Variants in AGGF1 observed in about 807,000 individuals in gnomAD.
AGGF1 encodes angiogenic factor with G-patch and FHA domains 1.
A neutral mutation model predicts 86.5 loss-of-function variants in AGGF1; 56 were observed. That is an observed-to-expected ratio of 0.65 (90% CI 0.52 to 0.81). The LOEUF (loss-of-function observed/expected upper bound fraction) is 0.81. AGGF1 is among the 30% of genes least tolerant of loss of function. AGGF1 has a pLI of 0.00. For missense variants in AGGF1, 816 were observed against 850.9 expected, an observed-to-expected ratio of 0.96 and a Z score of 0.51; for synonymous variants, 313 against 297.1, an observed-to-expected ratio of 1.05 and a Z score of -0.55.
In AGGF1 at chr5:77,035,924, A is replaced by T. The variant is rs1225348978; in HGVS notation, c.516+181A>T. The T allele has an allele frequency of 9.7e-6, 6 of 618,404 alleles. No homozygotes were observed. In the East Asian group the frequency reaches 1.8e-4, roughly 18 times the overall value. 38.3% of individuals were successfully genotyped at this position (618,404 alleles called of 1,614,324 possible). ...CCAAAACCAGAATTAGAACTTCTTCATATATGTAGTGGTTTTCCTACTACA... is the reference window on the plus strand; with the variant it reads ...CCAAAACCAGAATTAGAACTTCTTCTTATATGTAGTGGTTTTCCTACTACA... On this transcript the variant is annotated intron_variant, in intron 3 of 13. Transcript: ENST00000312916.
In AGGF1 at chr5:77,056,384, A is replaced by AC. The variant is rs1209155200; in HGVS notation, c.1716+789dup. Among the ~76,000 whole-genome samples, 243 of 151,910 alleles carry AC rather than the reference A, an allele frequency of 1.6e-3. 1 individual carries two copies. The highest frequency in any genetic ancestry group is 5.1e-3 in the African/African-American group (212 of 41,444). ...GCTGTGATTGCAGGGGCCCGCCACCACGCCCCGCTAATTTTTGTATTTTTA... is the reference window on the plus strand; with the variant it reads ...GCTGTGATTGCAGGGGCCCGCCACCACCGCCCCGCTAATTTTTGTATTTTTA... On this transcript the variant is annotated intron_variant, in intron 11 of 13. Coordinates refer to ENST00000312916, the MANE Select transcript of AGGF1 (RefSeq NM_018046.5).
rs1742755677 is a variant in AGGF1 at position 77,064,595 on chromosome 5, G to A, written c.*1343G>A. On this transcript the variant is annotated 3_prime_UTR_variant, in exon 14 of 14. Coordinates refer to ENST00000312916, the MANE Select transcript of AGGF1 (RefSeq NM_018046.5). ...CTATGGGCTTAAGCTAGGACAATCA[G>A]GCCCTAAACTCCAAATTTGGATAAA... 1 of 152,192 alleles carries A rather than the reference G, an allele frequency of 6.6e-6. No homozygotes were observed. Among genetic ancestry groups the A allele is most frequent in the South Asian group, 2.1e-4 (1 of 4,822 alleles). 9.4% of individuals were successfully genotyped at this position (152,192 alleles called of 1,614,324 possible).
chr5:77,041,105 G>T (rs1747069381), intron 5 of AGGF1, among the ~76,000 whole-genome samples: 1 of 112,140 alleles, frequency 8.9e-6, no homozygotes, highest in South Asian at 2.5e-4. Context: ...GATTCTGTTA[G>T]ATTTTTTCTG....
In AGGF1 at chr5:77,061,638, A is replaced by G. The variant is rs544610626; in HGVS notation, c.1845-65A>G. 39 of 1,482,558 alleles carry G rather than the reference A, an allele frequency of 2.6e-5. No individual in the cohort carries two copies. The African/African-American group carries it at 5.1e-4, about 20-fold the overall frequency. The allele number at this position is 1,482,558 out of a possible 1,614,324, so 91.8% of individuals were successfully genotyped here. ...TGTACCAATTACTTTTAATTCATGA[A>G]TTTATTATAAATGTGACCTAAAAGA... On this transcript the variant is annotated intron_variant, in intron 12 of 13. Coordinates refer to ENST00000312916, the MANE Select transcript of AGGF1 (RefSeq NM_018046.5).
In AGGF1 at chr5:77,053,967, GA is replaced by G; in HGVS notation, c.1474del (p.Thr492LeufsTer58). 1.9e-6 allele frequency: 3 copies of G among 1,613,940 alleles called. No homozygotes were observed. The highest frequency in any genetic ancestry group is 8.5e-7 in the Non-Finnish European group (1 of 1,179,992). On this transcript the variant is annotated frameshift_variant, in exon 10 of 14. Transcript: ENST00000312916. LOFTEE classifies it high-confidence loss of function. ...TTTGTAAAATGTTTCCCCTCTAGCC[GA>G]AAACTAAATGTGACCCTTACGTACT... Reference protein sequence around the residue: ...IVNGKQILQPKTKCDPYVLEH... With the variant: ...IVNGKQILQPXTKCDPYVLEH...
chr5:77,048,886 T>A (rs1273477916), intron 7 of AGGF1, 50 bp from the exon 8 acceptor site: 2 of 1,547,516 alleles, frequency 1.3e-6, no homozygotes, highest in South Asian at 2.2e-5. Context: ...CATGTCACTT[T>A]ATATAATATG....
intron 3 of AGGF1, chr5:77,036,203 T>G (rs1746964627): frequency 7.3e-6 from 2 of 275,504 alleles, no homozygotes; most frequent in Non-Finnish European, 1.4e-5. Context: ...TTCATTTGTC[T>G]TTTTGAAATT....
chr5:77,031,209 C>T (rs550859907), intron 1 of AGGF1, among the ~76,000 whole-genome samples: 1 of 152,346 alleles, frequency 6.6e-6, no homozygotes, highest in South Asian at 2.1e-4. Context: ...AACTTAAGTA[C>T]TGTGGCTACA....
intron 3 of AGGF1, chr5:77,035,985 A>G (rs904112650): frequency 1.6e-5 from 7 of 430,506 alleles, no homozygotes; most frequent in Non-Finnish European, 2.5e-5. Flanking sequence ...CATAAACTAA[A>G]ACAAAATTTG....
At chr5:77,037,087 G>T (rs1255186503) in intron 4 of AGGF1, among the ~76,000 whole-genome samples, 4 of 152,154 alleles carry the variant, frequency 2.6e-5, no homozygotes, top group African/African-American at 9.7e-5. Flanking sequence ...AAAACTATTT[G>T]ACAGAAGAAT....
Position 77,039,701 on chromosome 5 carries a change from T to A in AGGF1, c.852T>A (p.Ser284=). 1 of 1,611,872 alleles carries A rather than the reference T, an allele frequency of 6.2e-7. No individual in the cohort carries two copies. The highest frequency in any genetic ancestry group is 8.5e-7 in the Non-Finnish European group (1 of 1,178,872). Residue 284 remains serine (S), a synonymous_variant, in exon 5 of 14, where the codon TCT becomes TCA. Coordinates refer to ENST00000312916, the MANE Select transcript of AGGF1 (RefSeq NM_018046.5). ...LKKKRKDPDS[S]ATNEEKDLNS... is the part of the protein sequence containing the mutation. ...AGAAAAGAAAAGATCCAGATTCTTC[T>A]GCAACAAATGAGGAAAAGGTAATGT...
At chr5:77,042,335 C>CAG (rs1747108836) in intron 5 of AGGF1, among the ~76,000 whole-genome samples, 1 of 144,946 alleles carries the variant, frequency 6.9e-6, no homozygotes, top group Non-Finnish European at 1.5e-5. Context: ...GCACACCTCC[C>CAG]AGACGGGGTG....
chr5:77,033,174 A>G (rs1309997282), intron 1 of AGGF1, among the ~76,000 whole-genome samples: 1 of 152,184 alleles, frequency 6.6e-6, no homozygotes, highest in East Asian at 1.9e-4. Flanking sequence ...GGTGGATTCG[A>G]TTAACTGTCA....
In AGGF1 at chr5:77,063,274, C is replaced by T. The variant is rs1162520389; in HGVS notation, c.*22C>T. 7.2e-6 allele frequency: 10 copies of T among 1,381,098 alleles called. No individual in the cohort carries two copies. The highest frequency in any genetic ancestry group is 1.0e-5 in the Non-Finnish European group (10 of 971,264). The allele number at this position is 1,381,098 out of a possible 1,614,324, so 85.6% of individuals were successfully genotyped here. A position where few individuals can be genotyped will look rare whatever the true frequency, so the allele number is the denominator to read the frequency against. Reference sequence around the variant, plus strand: ...GTGAAGGCTAATCATAGAAAAAAAACCTCTAGTTTTTTTAAAAATAGAATT... The same window carrying T: ...GTGAAGGCTAATCATAGAAAAAAAATCTCTAGTTTTTTTAAAAATAGAATT... On this transcript the variant is annotated 3_prime_UTR_variant, in exon 14 of 14. Transcript: ENST00000312916.
At chr5:77,058,887 C>G (rs1278072758) in intron 11 of AGGF1, among the ~76,000 whole-genome samples, 1 of 152,188 alleles carries the variant, frequency 6.6e-6, no homozygotes. Flanking sequence ...TGCATGTCTT[C>G]CCTCTGGCAT....
In AGGF1 at chr5:77,033,141, C is replaced by G. The variant is rs532042380; in HGVS notation, c.211-1277C>G. On this transcript the variant is annotated intron_variant, in intron 1 of 13. Coordinates refer to ENST00000312916, the MANE Select transcript of AGGF1 (RefSeq NM_018046.5). ...AGTGATAACTCCTTACTCTCCTAGT[C>G]AGCCTCCCTTGGTTGGGGAGAGGGT... is the stretch of plus-strand genomic sequence containing the variant. 3.3e-5 allele frequency among the ~76,000 whole-genome samples: 5 copies of G among 152,318 alleles called. No individual in the cohort carries two copies. In the East Asian group the frequency reaches 9.6e-4, roughly 29 times the overall value.
intron 11 of AGGF1, 118 bp downstream of exon 11, chr5:77,055,714 A>T: frequency 2.8e-6 from 2 of 718,640 alleles, no homozygotes; most frequent in East Asian, 5.7e-5. Context: ...TGATTTCGTG[A>T]TTTGTATTAG....
chr5:77,052,901 G>T (rs752601217), intron 9 of AGGF1, 94 bp downstream of exon 9: 27 of 1,097,398 alleles, frequency 2.5e-5, no homozygotes, highest in Non-Finnish European at 3.4e-5. Flanking sequence ...ATTTGGTTCA[G>T]AGTAGAGTTA....
chr5:77,032,520 C>G (rs953001012), intron 1 of AGGF1, among the ~76,000 whole-genome samples: 1 of 142,718 alleles, frequency 7.0e-6, no homozygotes, highest in African/African-American at 2.6e-5. Flanking sequence ...GCCGAGATTG[C>G]GCCACTGCAC....
Sources: allele counts gnomAD v4.1 joint callset (sites outside exome capture counted in the v4.1 genomes callset), GRCh38; gene constraint gnomAD v4.1.1; transcripts MANE v1.5; gene names NCBI Gene and HGNC (gene_info 2026-07-23, HGNC 2026-07-21).